PTGDS: variants seen among roughly 807,000 people sequenced by gnomAD.
PTGDS encodes prostaglandin D2 synthase, also known as prostaglandin-H2 D-isomerase.
PTGDS carries 21 observed loss-of-function variants against 28.4 expected under a neutral mutation model. The observed-to-expected ratio is 0.74, with a 90% CI of 0.52 to 1.07. The LOEUF is 1.07. Ranked by LOEUF, PTGDS falls within the 50% of genes least tolerant of loss-of-function variation. The pLI is 0.00. For synonymous variants in PTGDS, 102 were observed against 106.0 expected (o/e 0.96, Z 0.23); for missense variants, 243 against 247.7 (o/e 0.98, Z 0.13).
intron 5 of PTGDS, chr9:136,980,602 T>G (rs1458441604): frequency 6.8e-7 from 1 of 1,464,732 alleles, no homozygotes; most frequent in African/African-American, 1.4e-5. Context: ...CCAACCATAC[T>G]GGGCTCAGGC....
At position 136,978,979 on chromosome 9, in the gene PTGDS, G is replaced by A; in HGVS notation, c.115-14G>A. The A allele has an allele frequency of 6.2e-7, 1 of 1,603,430 alleles. No individual in the cohort carries two copies. The highest frequency in any genetic ancestry group is 2.2e-5 in the East Asian group (1 of 44,786). On this transcript the variant is annotated splice_polypyrimidine_tract_variant and intron_variant, in intron 1 of 6. Transcript: ENST00000371625. ...AGGGTCCTGGCCGACGCGGGTGGGG[G>A]TCGCTCGCCGCAGTTCCTGGGGCGC...
chr9:136,979,324 C>T (rs1254033014), intron 3 of PTGDS, 25 bp downstream of exon 3: 1 of 1,600,196 alleles, frequency 6.2e-7, no homozygotes, highest in African/African-American at 1.3e-5. Flanking sequence ...CACCGGCCCC[C>T]TGGGCCCAGC....
chr9:136,979,679 A>AT (rs770485287), intron 3 of PTGDS: 553 of 605,956 alleles, frequency 9.1e-4, no homozygotes, highest in Non-Finnish European at 1.4e-3. Context: ...AAACCTCTTC[A>AT]CTTCCGGTTC....
chr9:136,981,196 C>A, intron 6 of PTGDS: 1 of 337,634 alleles, frequency 3.0e-6, no homozygotes, highest in Non-Finnish European at 5.4e-6. Flanking sequence ...GGGTGTCTGG[C>A]TCCTGGGCTA....
intron 1 of PTGDS, 120 bp downstream of exon 1, chr9:136,977,812 C>G (rs1055584350): frequency 4.2e-6 from 4 of 957,566 alleles, no homozygotes; most frequent in African/African-American, 1.7e-5. Flanking sequence ...CGGGCAGTGC[C>G]GGCCAGGGAC....
intron 5 of PTGDS, 110 bp from the exon 6 acceptor site, chr9:136,980,723 G>A (rs1271612941): frequency 1.2e-6 from 2 of 1,612,368 alleles, no homozygotes; most frequent in Middle Eastern, 1.7e-4. Context: ...TGTGCAGTTT[G>A]GGGGCTCAGT....
At chr9:136,978,082 G>A (rs906182860) in intron 1 of PTGDS, among the ~76,000 whole-genome samples, 2 of 152,186 alleles carry the variant, frequency 1.3e-5, no homozygotes, top group African/African-American at 4.8e-5. Flanking sequence ...GCGCGGTGGG[G>A]GTTGGGAGGG....
In PTGDS at chr9:136,980,227, G is replaced by A. The variant is rs375649462; in HGVS notation, c.493G>A (p.Ala165Thr). ...GGCTGAGTTAAAGGAGAAATTCACC[G>A]CCTTCTGCAAGGCCCAGGGCTTCAC... Reference protein sequence around the residue: ...PRAELKEKFTAFCKAQGFTED... With the variant: ...PRAELKEKFTTFCKAQGFTED... The change falls in exon 5 of 7, where the codon GCC (alanine) becomes ACC (threonine). Residue 165 changes from alanine to threonine, a missense_variant. Physicochemically the swap from Ala to Thr is moderately conservative, Grantham distance 58. Coordinates refer to ENST00000371625, the MANE Select transcript of PTGDS (RefSeq NM_000954.6). 8.8e-5 allele frequency: 142 copies of A among 1,613,932 alleles called. No individual in the cohort carries two copies. Among genetic ancestry groups the A allele is most frequent in the Non-Finnish European group, 1.2e-4 (137 of 1,180,000 alleles).
At position 136,980,579 on chromosome 9, in the gene PTGDS, G is replaced by A. The variant is rs1432494500; in HGVS notation, c.551-254G>A. ...GCATAGGGTAGAGGGTGCCCATGGG[G>A]GATACAGGGGAACCAACCATACTGG... On this transcript the variant is annotated intron_variant, in intron 5 of 6. Transcript: ENST00000371625. 8 of 1,322,984 alleles carry A rather than the reference G, an allele frequency of 6.0e-6. No individual in the cohort carries two copies. In the Admixed American group the frequency reaches 2.0e-4, roughly 32 times the overall value. The allele number at this position is 1,322,984 out of a possible 1,614,324, so 82.0% of individuals were successfully genotyped here.
rs1830429788 is a variant in PTGDS, at chr9:136,980,062, A to G, written c.448A>G (p.Ser150Gly). ...GEDFRMATLY[S>G]RTQTPRAELK... ...GGACTTCCGCATGGCCACCCTCTACAGTACGTGCCCCGTGGACGCCGCCCA... is the reference window on the plus strand; with the variant it reads ...GGACTTCCGCATGGCCACCCTCTACGGTACGTGCCCCGTGGACGCCGCCCA... The change falls in exon 4 of 7, where the codon AGC (serine) becomes GGC (glycine). Residue 150 changes from serine (S) to glycine (G), a missense_variant and splice_region_variant. Physicochemically the swap from Ser to Gly is moderately conservative, Grantham distance 56. Transcript: ENST00000371625. 1.9e-6 allele frequency: 3 copies of G among 1,611,242 alleles called. No homozygotes were observed. The African/African-American group carries it at 4.0e-5, about 22-fold the overall frequency.
At chr9:136,980,144 C>A (rs1386249964) in intron 4 of PTGDS, 39 bp from the exon 5 acceptor site, 3 of 1,610,330 alleles carry the variant, frequency 1.9e-6, no homozygotes, top group South Asian at 2.2e-5. Flanking sequence ...ACACAGCATC[C>A]CCCCCGCTGA....
intron 5 of PTGDS, 146 bp from the exon 6 acceptor site, chr9:136,980,687 G>A (rs1830437700): frequency 6.3e-7 from 1 of 1,598,824 alleles, no homozygotes; most frequent in Admixed American, 1.7e-5. Context: ...CAGTGCCCAG[G>A]GAGAGGTGGG....
At position 136,979,111 on chromosome 9, in the gene PTGDS, A is replaced by G. The variant is rs750840590; in HGVS notation, c.233A>G (p.Asn78Ser). Residue 78 changes from asparagine to serine, a missense_variant, in exon 2 of 7, where the codon AAC becomes AGC. Physicochemically the swap from Asn to Ser is conservative, Grantham distance 46 (BLOSUM62 1). Transcript: ENST00000371625. ...VVAPATDGGL[N>S]LTSTFLRKNQ... The stretch of plus-strand genomic sequence containing the variant: ...GCCCCTGCCACGGATGGTGGCCTCA[A>G]CCTGACCTCCACCTTCCTCAGGTGG... 1 of 1,612,476 alleles carries G rather than the reference A, an allele frequency of 6.2e-7. No homozygotes were observed. Among genetic ancestry groups the G allele is most frequent in the Non-Finnish European group, 8.5e-7 (1 of 1,179,578 alleles).
intron 3 of PTGDS, 189 bp from the exon 4 acceptor site, chr9:136,979,757 T>G (rs1252159629): frequency 4.5e-6 from 3 of 669,790 alleles, no homozygotes; most frequent in Non-Finnish European, 7.9e-6. Flanking sequence ...AGATTCTGGT[T>G]TGGGGACAGG....
At chr9:136,979,391 T>C (rs970638720) in intron 3 of PTGDS, 92 bp downstream of exon 3, 2 of 1,575,562 alleles carry the variant, frequency 1.3e-6, no homozygotes, top group Non-Finnish European at 8.6e-7. Flanking sequence ...CGGAGATCCA[T>C]GGGGTGGGAG....
In PTGDS at chr9:136,979,257, C is replaced by T; in HGVS notation, c.289C>T (p.Gln97Ter). 1 of 1,612,668 alleles carries T rather than the reference C, an allele frequency of 6.2e-7. No individual in the cohort carries two copies. The highest frequency in any genetic ancestry group is 8.5e-7 in the Non-Finnish European group (1 of 1,179,746). Residue 97 changes from glutamine (Q) to a stop codon, truncating the protein, a stop_gained, in exon 3 of 7, where the codon CAG (glutamine) becomes TAG (stop). Coordinates refer to ENST00000371625, the MANE Select transcript of PTGDS (RefSeq NM_000954.6). LOFTEE classifies it high-confidence loss of function. ...NQCETRTMLL[Q>*]PAGSLGSYSY... is the part of the protein sequence containing the mutation. ...GTGTGAGACCCGAACCATGCTGCTG[C>T]AGCCCGCGGGGTCCCTCGGCTCCTA...
intron 5 of PTGDS, chr9:136,980,565 A>T (rs896842205): frequency 2.6e-5 from 32 of 1,217,252 alleles, no homozygotes; most frequent in Non-Finnish European, 3.4e-5. Flanking sequence ...CATAGGGTAG[A>T]GGGTGCCCAT....
In PTGDS at chr9:136,977,723, G is replaced by A. The variant is rs374266192; in HGVS notation, c.114+31G>A. 46 of 1,524,204 alleles carry A rather than the reference G, an allele frequency of 3.0e-5. No homozygotes were observed. In the South Asian group the frequency reaches 4.4e-4, roughly 15 times the overall value. 94.4% of individuals were successfully genotyped at this position (1,524,204 alleles called of 1,614,324 possible). A position where few individuals can be genotyped will look rare whatever the true frequency, so the allele number is the denominator to read the frequency against. The stretch of plus-strand genomic sequence containing the variant: ...GGGCTTTCCTGCGTCATCCCCAAGG[G>A]CTACAGGACCCTGTCAGGGGAAGGG... On this transcript the variant is annotated intron_variant, in intron 1 of 6. Transcript: ENST00000371625.
intron 1 of PTGDS, among the ~76,000 whole-genome samples, chr9:136,978,139 C>T (rs1364708933): frequency 6.6e-6 from 1 of 152,132 alleles, no homozygotes; most frequent in Non-Finnish European, 1.5e-5. Context: ...CGCCCGGGAG[C>T]TGCTCGGGGA....
Sources: allele counts gnomAD v4.1 joint callset (sites outside exome capture counted in the v4.1 genomes callset), GRCh38; gene constraint gnomAD v4.1.1; transcripts MANE v1.5; gene names NCBI Gene and HGNC (gene_info 2026-07-23, HGNC 2026-07-21).